The following AATF variants were observed in gnomAD, a reference collection of about 807,000 sequenced individuals.
AATF encodes the protein protein AATF.
AATF carries 48 observed loss-of-function variants against 63.7 expected under a neutral mutation model. The ratio of observed to expected loss-of-function variants is 0.75; its 90% CI spans 0.60 to 0.96. The LOEUF is 0.96. AATF is among the 40% of genes least tolerant of loss of function. The pLI is 0.00. For missense variants in AATF, 639 were observed against 685.7 expected (o/e 0.93, Z 0.76); for synonymous variants, 258 against 247.7 (o/e 1.04, Z -0.39).
At chr17:37,006,382 T>G (rs934032389) in intron 8 of AATF, among the ~76,000 whole-genome samples, 3 of 151,936 alleles carry the variant, frequency 2.0e-5, no homozygotes, top group African/African-American at 7.3e-5. Context: ...GGCAGGAGAA[T>G]CGCTTGAACC....
At chr17:36,989,943 A>T (rs957229067) in intron 7 of AATF, among the ~76,000 whole-genome samples, 7 of 146,014 alleles carry the variant, frequency 4.8e-5, no homozygotes, top group Admixed American at 3.4e-4. Context: ...AAATTTTTTT[A>T]TTTTTTTTGT....
chr17:37,053,937 C>T, intron 11 of AATF, among the ~76,000 whole-genome samples: 1 of 152,212 alleles, frequency 6.6e-6, no homozygotes, highest in Non-Finnish European at 1.5e-5. Flanking sequence ...GGTTCCATTG[C>T]AGGCATTACA....
At chr17:37,015,111 G>A (rs1380647200) in intron 8 of AATF, among the ~76,000 whole-genome samples, 6 of 152,098 alleles carry the variant, frequency 3.9e-5, no homozygotes, top group Admixed American at 6.5e-5. Flanking sequence ...AGATGCAGGC[G>A]ATCCTTAACT....
chr17:36,953,167 T>C lies in AATF; in HGVS notation c.565T>C (p.Ser189Pro). The change falls in exon 3 of 12, where the codon TCC becomes CCC. Residue 189 changes from serine to proline, a missense_variant. Physicochemically the swap from Ser to Pro is moderately conservative, Grantham distance 74. Coordinates refer to ENST00000619387, the MANE Select transcript of AATF (RefSeq NM_012138.4). Reference protein sequence around the residue: ...GMEEGDDAEDSQGESEEDRAG... With the variant: ...GMEEGDDAEDPQGESEEDRAG... ...GGAAGAAGGGGATGACGCGGAAGAC[T>C]CCCAAGGCGAGAGTGAGGAAGACAG... 1.2e-6 allele frequency: 2 copies of C among 1,613,912 alleles called. No homozygotes were observed. The highest frequency in any genetic ancestry group is 1.7e-6 in the Non-Finnish European group (2 of 1,179,988).
chr17:36,986,717 G>A lies in AATF; in HGVS notation c.933G>A (p.Lys311=). The part of the protein sequence containing the change: ...PDTRYLVDGT[K]PNAGSEEISS... ...CTAGATATCTAGTAGATGGGACAAA[G>A]CCCAATGCGGGAAGGTAAGAGAACA... Residue 311 remains lysine, a synonymous_variant, in exon 5 of 12, where the codon AAG becomes AAA. Coordinates refer to ENST00000619387, the MANE Select transcript of AATF (RefSeq NM_012138.4). The A allele has an allele frequency of 1.9e-6, 3 of 1,613,786 alleles. No individual in the cohort carries two copies. The highest frequency in any genetic ancestry group is 1.3e-5 in the African/African-American group (1 of 75,040).
chr17:37,002,034 T>G (rs2071302495), intron 8 of AATF, among the ~76,000 whole-genome samples: 1 of 151,780 alleles, frequency 6.6e-6, no homozygotes, highest in South Asian at 2.1e-4. Context: ...AAACCCCGCC[T>G]CTACTAAAAA....
chr17:37,019,721 A>C (rs1296652598), intron 9 of AATF, among the ~76,000 whole-genome samples: 4 of 152,268 alleles, frequency 2.6e-5, no homozygotes, highest in Non-Finnish European at 5.9e-5. Flanking sequence ...TGCAAGTGCC[A>C]GAATGGGATT....
intron 8 of AATF, among the ~76,000 whole-genome samples, chr17:37,010,812 G>A (rs2071384828): frequency 6.6e-6 from 1 of 152,190 alleles, no homozygotes. Flanking sequence ...CCTCTGGTGT[G>A]AGGGCCCACG....
chr17:36,969,719 A>G (rs2071024127), intron 4 of AATF, among the ~76,000 whole-genome samples: 1 of 152,218 alleles, frequency 6.6e-6, no homozygotes, highest in Non-Finnish European at 1.5e-5. Context: ...TTTGACATTT[A>G]TATACACCCG....
In AATF at chr17:36,954,915, A is replaced by G. The variant is rs1437229396; in HGVS notation, c.832+1008A>G. 4.6e-5 allele frequency among the ~76,000 whole-genome samples: 7 copies of G among 152,228 alleles called. No homozygotes were observed. In the East Asian group the frequency reaches 1.4e-3, roughly 29 times the overall value. Reference sequence around the variant, plus strand: ...AGTGTGCTGTGTTTGGGATCTGTATATATCTATATCTAGATATTCAGAGTC... The same window carrying G: ...AGTGTGCTGTGTTTGGGATCTGTATGTATCTATATCTAGATATTCAGAGTC... On this transcript the variant is annotated intron_variant, in intron 4 of 11. Coordinates refer to ENST00000619387, the MANE Select transcript of AATF (RefSeq NM_012138.4).
chr17:36,992,195 AAAAAG>A (rs1475568186), intron 8 of AATF, among the ~76,000 whole-genome samples: 1 of 152,222 alleles, frequency 6.6e-6, no homozygotes, highest in Non-Finnish European at 1.5e-5. Context: ...GTCTTGCCCT[AAAAAG>A]AGAAAGAGAC....
intron 4 of AATF, among the ~76,000 whole-genome samples, chr17:36,956,324 G>A (rs2070899327): frequency 6.6e-6 from 1 of 152,136 alleles, no homozygotes; most frequent in Non-Finnish European, 1.5e-5. Flanking sequence ...TTTTTCTTGT[G>A]GCAATATGAC....
intron 11 of AATF, among the ~76,000 whole-genome samples, chr17:37,036,649 CTGT>C (rs1407901453): frequency 6.6e-6 from 1 of 151,542 alleles, no homozygotes; most frequent in Non-Finnish European, 1.5e-5. Context: ...AGTTGTGTCC[CTGT>C]TGTTACCAAA....
chr17:37,047,599 G>A (rs2071704260), intron 11 of AATF, among the ~76,000 whole-genome samples: 1 of 152,186 alleles, frequency 6.6e-6, no homozygotes, highest in Admixed American at 6.5e-5. Context: ...ATCTTTAGGG[G>A]ACAGGCCAGA....
rs185040829 is a variant in AATF, at chr17:36,967,583, C to T, written c.832+13676C>T. Among the ~76,000 whole-genome samples, 11 of 152,288 alleles carry T rather than the reference C, an allele frequency of 7.2e-5. No individual in the cohort carries two copies. In the South Asian group the frequency reaches 8.3e-4, roughly 11 times the overall value. On this transcript the variant is annotated intron_variant, in intron 4 of 11. Transcript: ENST00000619387. ...CTGTCATGCTGGGATGTGCCTTCAC[C>T]GTCATCCTGGGTGTTACCTTAGCTT...
chr17:36,982,985 A>G (rs1047976971), intron 4 of AATF, among the ~76,000 whole-genome samples: 3 of 152,100 alleles, frequency 2.0e-5, no homozygotes, highest in African/African-American at 7.2e-5. Context: ...ACTTAGCCTA[A>G]TTATTTTAAA....
chr17:37,050,942 T>C (rs2071742818), intron 11 of AATF, among the ~76,000 whole-genome samples: 1 of 152,166 alleles, frequency 6.6e-6, no homozygotes, highest in Non-Finnish European at 1.5e-5. Flanking sequence ...ATTTTATGTA[T>C]TTATTTATTT....
At chr17:36,968,146 C>A (rs1286890817) in intron 4 of AATF, among the ~76,000 whole-genome samples, 1 of 151,084 alleles carries the variant, frequency 6.6e-6, no homozygotes, top group East Asian at 1.9e-4. Context: ...TTTTTCTCTT[C>A]AATTTTTCAT....
intron 8 of AATF, among the ~76,000 whole-genome samples, chr17:36,996,300 T>C (rs940008121): frequency 6.6e-6 from 1 of 152,132 alleles, no homozygotes; most frequent in Non-Finnish European, 1.5e-5. Flanking sequence ...TCAGATGTGA[T>C]GGCACTTGCC....
Sources: allele counts gnomAD v4.1 joint callset (sites outside exome capture counted in the v4.1 genomes callset), GRCh38; gene constraint gnomAD v4.1.1; transcripts MANE v1.5; gene names NCBI Gene and HGNC (gene_info 2026-07-23, HGNC 2026-07-21).